PCDHGA3: variants seen among roughly 807,000 people sequenced by gnomAD.
The protein encoded by PCDHGA3 is protocadherin gamma-A3.
Under a neutral mutation model 58.5 loss-of-function variants are expected in PCDHGA3, and 40 were observed. That is an observed-to-expected ratio of 0.68 (90% confidence interval 0.53 to 0.89). PCDHGA3 has a LOEUF of 0.89. Ranked by LOEUF, PCDHGA3 falls within the 40% of genes least tolerant of loss-of-function variation. The pLI is 0.00. For synonymous variants in PCDHGA3, 530 were observed against 525.7 expected, an observed-to-expected ratio of 1.01 and a Z score of -0.11; for missense variants, 1,223 against 1,195.9, an observed-to-expected ratio of 1.02 and a Z score of -0.33.
intron 1 of PCDHGA3, among the ~76,000 whole-genome samples, chr5:141,425,025 T>C (rs1416166875): frequency 1.3e-5 from 2 of 152,236 alleles, no homozygotes; most frequent in Non-Finnish European, 2.9e-5. Flanking sequence ...ATTTACCTTA[T>C]GTCATTAGTT....
intron 1 of PCDHGA3, chr5:141,422,970 C>T (rs1348343583): frequency 1.2e-6 from 2 of 1,614,246 alleles, no homozygotes; most frequent in East Asian, 2.2e-5. Flanking sequence ...TGGCGCCCCG[C>T]TCTGCGGAAC....
intron 1 of PCDHGA3, chr5:141,383,082 G>A: frequency 1.2e-6 from 2 of 1,613,934 alleles, no homozygotes; most frequent in African/African-American, 2.7e-5. Context: ...AGCTGGCGGA[G>A]CGCGGAGTCC....
intron 1 of PCDHGA3, chr5:141,383,745 G>A: frequency 6.2e-7 from 1 of 1,613,954 alleles, no homozygotes; most frequent in Non-Finnish European, 8.5e-7. Context: ...ATTCTTTTCG[G>A]AAAATAACTC....
chr5:141,418,987 A>AG (rs781016682), intron 1 of PCDHGA3: 1 of 1,613,974 alleles, frequency 6.2e-7, no homozygotes, highest in South Asian at 1.1e-5. Context: ...ACCAAGACTC[A>AG]GGGGAAAATG....
chr5:141,360,572 C>T, intron 1 of PCDHGA3: 3 of 1,613,998 alleles, frequency 1.9e-6, no homozygotes, highest in East Asian at 2.2e-5. Flanking sequence ...GGCGAATCCA[C>T]TAAGCCAGGT....
At chr5:141,488,872 T>C (rs773185475) in intron 1 of PCDHGA3, among the ~76,000 whole-genome samples, 4 of 151,794 alleles carry the variant, frequency 2.6e-5, no homozygotes, top group Non-Finnish European at 5.9e-5. Flanking sequence ...AGTGGGGAGG[T>C]AGGAAGCTTC....
chr5:141,472,994 AAAAG>A (rs1425445230), intron 1 of PCDHGA3, among the ~76,000 whole-genome samples: 7 of 151,692 alleles, frequency 4.6e-5, no homozygotes, highest in African/African-American at 1.7e-4. Context: ...AAAAAAAAAA[AAAAG>A]AAAGAAAAAG....
chr5:141,491,529 G>C lies in PCDHGA3; in HGVS notation c.2425-3278G>C. 1 of 1,614,040 alleles carries C rather than the reference G, an allele frequency of 6.2e-7. No individual in the cohort carries two copies. The highest frequency in any genetic ancestry group is 1.1e-5 in the South Asian group (1 of 91,080). On this transcript the variant is annotated intron_variant, in intron 1 of 3. Coordinates refer to ENST00000253812, the MANE Select transcript of PCDHGA3 (RefSeq NM_018916.4). The surrounding 1 kb of genome is among the most constrained non-coding windows in gnomAD (Gnocchi z 6.9). ...GCACGCTCAAGTACATGGAGGTGACGCTGCGGCCCACAGACTCGCAGAGCC... is the reference window on the plus strand; with the variant it reads ...GCACGCTCAAGTACATGGAGGTGACCCTGCGGCCCACAGACTCGCAGAGCC...
intron 1 of PCDHGA3, chr5:141,424,304 C>T (rs909355692): frequency 2.0e-5 from 3 of 152,464 alleles, no homozygotes; most frequent in Admixed American, 2.0e-4. Flanking sequence ...CCTATCAACA[C>T]AGACATATTG....
Position 141,344,125 on chromosome 5 carries a change from T to C in PCDHGA3, c.92T>C (p.Ile31Thr). 6.2e-7 allele frequency: 1 copy of C among 1,614,018 alleles called. No homozygotes were observed. The highest frequency in any genetic ancestry group is 8.5e-7 in the Non-Finnish European group (1 of 1,179,888). The change falls in exon 1 of 4, where the codon ATC (isoleucine) becomes ACC (threonine). Residue 31 changes from isoleucine (I) to threonine (T), a missense_variant. This residue lies in a region of PCDHGA3 where 791 missense variants were observed against 708.5 expected (regional missense o/e 1.12). Coordinates refer to ENST00000253812, the MANE Select transcript of PCDHGA3 (RefSeq NM_018916.4). The stretch of plus-strand genomic sequence containing the variant: ...CTGTGCGAAACAGGATCCGGTCAGA[T>C]CCGCTACTCGGTGTCTGAGGAGCTA... Reference protein sequence around the residue: ...GTLCETGSGQIRYSVSEELDK... With the variant: ...GTLCETGSGQTRYSVSEELDK...
At chr5:141,470,001 C>T (rs753591964) in intron 1 of PCDHGA3, among the ~76,000 whole-genome samples, 6 of 152,006 alleles carry the variant, frequency 3.9e-5, no homozygotes, top group Admixed American at 1.3e-4. Context: ...CGTCGTGGCA[C>T]GCCTGTAATC....
chr5:141,394,653 C>T lies in PCDHGA3; in HGVS notation c.2424+48196C>T, dbSNP rs545273127. On this transcript the variant is annotated intron_variant, in intron 1 of 3. Coordinates refer to ENST00000253812, the MANE Select transcript of PCDHGA3 (RefSeq NM_018916.4). ...CTACCGCCTGCTCAAGGCCAGCGAG[C>T]CGGGACTCTTCTCGGTGGGTCTGCA... The T allele has an allele frequency of 9.9e-6, 16 of 1,613,348 alleles. No homozygotes were observed. The East Asian group carries it at 3.1e-4, about 31-fold the overall frequency.
Position 141,405,152 on chromosome 5 carries a change from G to T in PCDHGA3, c.2424+58695G>T, listed in dbSNP as rs550773622. Reference sequence around the variant, plus strand: ...GCGGGCTACCAGTGATGGGTTGGCTGGTGTGCCCACCTCACACTTTGTGGG... The same window carrying T: ...GCGGGCTACCAGTGATGGGTTGGCTTGTGTGCCCACCTCACACTTTGTGGG... On this transcript the variant is annotated intron_variant, in intron 1 of 3. Transcript: ENST00000253812. 180 of 1,613,896 alleles carry T rather than the reference G, an allele frequency of 1.1e-4. 1 individual carries two copies. In the South Asian group the frequency reaches 1.9e-3, roughly 17 times the overall value.
chr5:141,494,894 C>A, intron 2 of PCDHGA3, 29 bp downstream of exon 2: 1 of 1,614,116 alleles, frequency 6.2e-7, no homozygotes, highest in South Asian at 1.1e-5. Flanking sequence ...AGCCCACCCT[C>A]TTCTCTGCGG....
At position 141,485,437 on chromosome 5, in the gene PCDHGA3, C is replaced by A. The variant is rs2099613420; in HGVS notation, c.2425-9370C>A. The A allele has an allele frequency of 6.2e-7, 1 of 1,614,174 alleles. No individual in the cohort carries two copies. Among genetic ancestry groups the A allele is most frequent in the Non-Finnish European group, 8.5e-7 (1 of 1,180,028 alleles). On this transcript the variant is annotated intron_variant, in intron 1 of 3. Transcript: ENST00000253812. The surrounding 1 kb of genome is among the most constrained non-coding windows in gnomAD (Gnocchi z 5.7). ...ACAGCGGAGCCCTGCTCATCAAGAA[C>A]CCAATCGACCGAGAGGCACTGTGTG...
chr5:141,483,892 A>C (rs1463395859), intron 1 of PCDHGA3, among the ~76,000 whole-genome samples: 1 of 151,652 alleles, frequency 6.6e-6, no homozygotes, highest in Non-Finnish European at 1.5e-5. Flanking sequence ...TATTTCTCTG[A>C]GCTCTGGTGT....
chr5:141,450,450 C>T (rs964666176), intron 1 of PCDHGA3, among the ~76,000 whole-genome samples: 5 of 151,996 alleles, frequency 3.3e-5, no homozygotes, highest in African/African-American at 9.7e-5. Context: ...TTTTATGTTT[C>T]CTCGTGATTT....
chr5:141,375,347 G>C, intron 1 of PCDHGA3: 2 of 1,613,852 alleles, frequency 1.2e-6, no homozygotes, highest in Non-Finnish European at 1.7e-6. Flanking sequence ...CAACATCACT[G>C]TGACAGCCAC....
Position 141,400,079 on chromosome 5 carries a change from C to G in PCDHGA3, c.2424+53622C>G, listed in dbSNP as rs1377742612. On this transcript the variant is annotated intron_variant, in intron 1 of 3. Coordinates refer to ENST00000253812, the MANE Select transcript of PCDHGA3 (RefSeq NM_018916.4). ...CGTGATGGTGGACAGCCGCCACTCT[C>G]CGCCACCGCCACGCTGCACTTGGTC... 2.5e-6 allele frequency: 4 copies of G among 1,613,924 alleles called. No individual in the cohort carries two copies. In the East Asian group the frequency reaches 6.7e-5, roughly 27 times the overall value.
Sources: gnomAD v4.1 joint callset for allele counts (sites outside exome capture counted in the v4.1 genomes callset) on GRCh38, gnomAD v4.1.1 for gene constraint, gnomAD v4.1.1 regional missense constraint, Gnocchi (gnomAD v3.1) non-coding constraint, MANE v1.5 for transcripts, NCBI Gene and HGNC (gene_info 2026-07-23, HGNC 2026-07-21) for gene names.